DCC: variants seen among roughly 807,000 people sequenced by gnomAD.
The protein encoded by DCC is netrin receptor DCC.
A neutral mutation model predicts 172.5 loss-of-function variants in DCC; 58 were observed. The observed-to-expected ratio is 0.34, with a 90% CI of 0.27 to 0.42. The LOEUF (loss-of-function observed/expected upper bound fraction) is 0.42, where lower values mean the gene tolerates loss of function less well. DCC is among the 10% of genes least tolerant of loss of function. The pLI is 1.00. For missense variants in DCC, 1,740 were observed against 1,791.0 expected (o/e 0.97, Z 0.51); for synonymous variants, 709 against 644.5 (o/e 1.10, Z -1.52).
chr18:53,483,977 A>AGAT (rs922248459), intron 25 of DCC, among the ~76,000 whole-genome samples: 5 of 150,476 alleles, frequency 3.3e-5, no homozygotes, highest in Non-Finnish European at 5.9e-5. Flanking sequence ...ATAGATAGAT[A>AGAT]GATAGATAGA....
intron 14 of DCC, among the ~76,000 whole-genome samples, chr18:53,324,120 T>G (rs2057441030): frequency 6.6e-6 from 1 of 152,186 alleles, no homozygotes; most frequent in Non-Finnish European, 1.5e-5. Context: ...AAAAGTATTC[T>G]AAGTAGGCAA....
intron 1 of DCC, among the ~76,000 whole-genome samples, chr18:52,553,303 AC>A (rs1438751474): frequency 6.6e-6 from 1 of 152,018 alleles, no homozygotes; most frequent in Non-Finnish European, 1.5e-5. Flanking sequence ...CAGATCACTC[AC>A]TTTTTCCTAT....
At chr18:52,350,351 G>A (rs541355052) in intron 1 of DCC, among the ~76,000 whole-genome samples, 6 of 152,156 alleles carry the variant, frequency 3.9e-5, no homozygotes, top group African/African-American at 1.4e-4. Context: ...ATTGATTTGC[G>A]TATGTTGAAC....
intron 5 of DCC, among the ~76,000 whole-genome samples, chr18:53,023,930 A>G (rs763172157): frequency 5.3e-5 from 8 of 152,144 alleles, no homozygotes; most frequent in African/African-American, 1.9e-4. Context: ...TTTTATTTCT[A>G]TTATCTGGAA....
At chr18:53,487,078 C>T in intron 26 of DCC, 120 bp downstream of exon 26, 1 of 1,305,424 alleles carries the variant, frequency 7.7e-7, no homozygotes, top group East Asian at 2.5e-5. Flanking sequence ...GACTGTGGTA[C>T]TAGAATGTTC....
chr18:53,205,169 C>G, intron 9 of DCC, 47 bp from the exon 10 acceptor site: 18 of 1,518,962 alleles, frequency 1.2e-5, no homozygotes, highest in Non-Finnish European at 1.6e-5. Context: ...CAAAAACCCA[C>G]TTATCCTAAT....
chr18:52,747,466 G>T (rs913752682), intron 1 of DCC, among the ~76,000 whole-genome samples: 2 of 152,124 alleles, frequency 1.3e-5, no homozygotes, highest in African/African-American at 2.4e-5. Context: ...TTGTAAAATC[G>T]GAAGTTTAGT....
chr18:53,082,369 T>G (rs2042819206), intron 7 of DCC, among the ~76,000 whole-genome samples: 1 of 152,094 alleles, frequency 6.6e-6, no homozygotes, highest in Non-Finnish European at 1.5e-5. Context: ...TTCAAAGAGA[T>G]CCTTTTCTCT....
chr18:52,395,230 AG>A (rs1228702306), intron 1 of DCC, among the ~76,000 whole-genome samples: 1 of 152,056 alleles, frequency 6.6e-6, no homozygotes, highest in Non-Finnish European at 1.5e-5. Flanking sequence ...TTTTATGTTT[AG>A]ATTGAAATTT....
At chr18:53,074,077 G>A (rs1381147521) in intron 7 of DCC, among the ~76,000 whole-genome samples, 1 of 152,086 alleles carries the variant, frequency 6.6e-6, no homozygotes, top group African/African-American at 2.4e-5. Flanking sequence ...AACTACGTAT[G>A]AGAGATTGAA....
chr18:52,611,296 C>G (rs1369752933), intron 1 of DCC, among the ~76,000 whole-genome samples: 2 of 152,132 alleles, frequency 1.3e-5, no homozygotes, highest in Admixed American at 1.3e-4. Flanking sequence ...TCATCAAGGT[C>G]CCATTCAGTT....
At chr18:52,430,941 A>G (rs2144467008) in intron 1 of DCC, among the ~76,000 whole-genome samples, 1 of 152,264 alleles carries the variant, frequency 6.6e-6, no homozygotes, top group African/African-American at 2.4e-5. Flanking sequence ...CTTTTAGAGG[A>G]ATTTACAAAC....
At chr18:52,998,853 G>C (rs1199005434) in intron 5 of DCC, among the ~76,000 whole-genome samples, 1 of 151,892 alleles carries the variant, frequency 6.6e-6, no homozygotes, top group African/African-American at 2.4e-5. Context: ...AAGAAAACCT[G>C]TCTGGAGTAC....
At chr18:53,069,812 C>G (rs923304884) in intron 7 of DCC, among the ~76,000 whole-genome samples, 2 of 149,068 alleles carry the variant, frequency 1.3e-5, no homozygotes, top group Admixed American at 6.7e-5. Context: ...CCTACTGCCC[C>G]CTTCCCTATT....
At chr18:53,062,723 A>G (rs1599085770) in intron 5 of DCC, among the ~76,000 whole-genome samples, 1 of 152,182 alleles carries the variant, frequency 6.6e-6, no homozygotes, top group African/African-American at 2.4e-5. Flanking sequence ...TGTGAAAATT[A>G]TAATACAGTA....
At chr18:53,037,800 ACTT>A (rs202216510) in intron 5 of DCC, among the ~76,000 whole-genome samples, 2,354 of 152,076 alleles carry the variant, frequency 0.015, 52 homozygotes, top group African/African-American at 0.053. Flanking sequence ...CACGAGACTC[ACTT>A]CTTCTGTAAA....
At position 53,066,137 on chromosome 18, in the gene DCC, C is replaced by T. The variant is rs200331685; in HGVS notation, c.1232C>T (p.Thr411Ile). ...GAAAATGAGGCTGGAAATGCCCAGA[C>T]CAGTGCACAGCTCATTGTCCCTAAG... ...VAENEAGNAQ[T>I]SAQLIVPKPA... is the part of the protein sequence containing the mutation. Residue 411 changes from threonine to isoleucine, a missense_variant, in exon 7 of 29, where the codon ACC becomes ATC. By Grantham distance (89) the Thr-to-Ile change is moderately conservative (BLOSUM62 -1). Around this residue, in one of 2 missense-constraint regions of DCC, gnomAD observed 1,732 missense variants for 1,767.4 expected, o/e 0.98. Transcript: ENST00000442544. 1.3e-5 allele frequency: 21 copies of T among 1,613,148 alleles called. 1 individual carries two copies. The highest frequency in any genetic ancestry group is 1.2e-4 in the Admixed American group (7 of 59,902).
chr18:53,144,507 C>T (rs977902442), intron 7 of DCC, among the ~76,000 whole-genome samples: 1 of 152,096 alleles, frequency 6.6e-6, no homozygotes, highest in African/African-American at 2.4e-5. Context: ...CCTTATAAAA[C>T]CATCAGATGT....
chr18:53,300,211 C>A (rs2144769015), intron 12 of DCC, among the ~76,000 whole-genome samples: 1 of 152,226 alleles, frequency 6.6e-6, no homozygotes, highest in Admixed American at 6.5e-5. Context: ...AGTTGCCTGC[C>A]TGCTTGCTAA....
Sources: allele counts gnomAD v4.1 joint callset (sites outside exome capture counted in the v4.1 genomes callset), GRCh38; gene constraint gnomAD v4.1.1; regional missense constraint gnomAD v4.1.1; transcripts MANE v1.5; gene names NCBI Gene and HGNC (gene_info 2026-07-23, HGNC 2026-07-21).